The following RNF150 variants were observed in gnomAD, a reference collection of about 807,000 sequenced individuals.
RNF150 encodes the protein ring finger protein 150.
Under a neutral mutation model 39.3 loss-of-function variants are expected in RNF150, and 24 were observed. The ratio of observed to expected loss-of-function variants is 0.61; its 90% CI spans 0.44 to 0.86. The LOEUF is 0.86. RNF150 is among the 40% of genes least tolerant of loss of function. The probability of loss-of-function intolerance (pLI) is 0.00; values close to 1 mark genes in which losing one functional copy is unlikely to be tolerated. For synonymous variants in RNF150, 255 were observed against 227.3 expected (o/e 1.12, Z -1.10); for missense variants, 502 against 587.8 (o/e 0.85, Z 1.51).
intron 1 of RNF150, among the ~76,000 whole-genome samples, chr4:141,060,295 G>T (rs1333643896): frequency 6.6e-6 from 1 of 152,008 alleles, no homozygotes; most frequent in East Asian, 1.9e-4. Flanking sequence ...TTAAAAATTA[G>T]CCAGGCGTAG....
intron 1 of RNF150, among the ~76,000 whole-genome samples, chr4:141,086,920 CTCT>C (rs1738388516): frequency 6.6e-6 from 1 of 151,900 alleles, no homozygotes; most frequent in Admixed American, 6.6e-5. Context: ...GCATATTTTC[CTCT>C]TTTTTTGGCG....
At chr4:140,917,970 A>G (rs1730915087) in intron 5 of RNF150, among the ~76,000 whole-genome samples, 1 of 152,060 alleles carries the variant, frequency 6.6e-6, no homozygotes, top group Non-Finnish European at 1.5e-5. Flanking sequence ...GAAGGCAGAA[A>G]TAAAGATGTT....
At chr4:140,973,874 TAAAA>T (rs566506401) in intron 1 of RNF150, among the ~76,000 whole-genome samples, 2 of 110,538 alleles carry the variant, frequency 1.8e-5, no homozygotes, top group African/African-American at 7.0e-5. Flanking sequence ...AGACTCTGTT[TAAAA>T]AAAAAAAAAA....
intron 1 of RNF150, among the ~76,000 whole-genome samples, chr4:141,068,207 A>G (rs1737539368): frequency 6.6e-6 from 1 of 152,190 alleles, no homozygotes; most frequent in South Asian, 2.1e-4. Context: ...GGCCTCCCAA[A>G]GTGCTGGGAT....
intron 1 of RNF150, among the ~76,000 whole-genome samples, chr4:141,206,416 T>G (rs1728375027): frequency 1.5e-5 from 1 of 64,676 alleles, no homozygotes; most frequent in African/African-American, 5.7e-5. Flanking sequence ...TGAGACTCAA[T>G]CTCAAAAAAA....
intron 1 of RNF150, among the ~76,000 whole-genome samples, chr4:141,201,383 C>G (rs1295576357): frequency 1.3e-5 from 2 of 152,150 alleles, no homozygotes; most frequent in East Asian, 3.8e-4. Context: ...GATAGCCATG[C>G]CTCATAAATC....
In RNF150 at chr4:141,133,087, G is replaced by C. The variant is rs375811664; in HGVS notation, c.-279C>G. On this transcript the variant is annotated 5_prime_UTR_variant, in exon 1 of 7. Transcript: ENST00000515673. ...ACAGAGGGCCCGCGGGGCTTGCGGAGGAGTCCTGCTGCCGAGCGTCCTGCT... is the reference window on the plus strand; with the variant it reads ...ACAGAGGGCCCGCGGGGCTTGCGGACGAGTCCTGCTGCCGAGCGTCCTGCT... 2.6e-5 allele frequency: 10 copies of C among 378,390 alleles called. No homozygotes were observed. The East Asian group carries it at 5.2e-4, about 20-fold the overall frequency. The allele number at this position is 378,390 out of a possible 1,614,324, so 23.4% of individuals were successfully genotyped here.
At chr4:141,041,255 T>C (rs528254057) in intron 1 of RNF150, among the ~76,000 whole-genome samples, 25 of 152,236 alleles carry the variant, frequency 1.6e-4, no homozygotes, top group African/African-American at 5.3e-4. Flanking sequence ...GCAAGTCCTA[T>C]GCATGTCTTA....
chr4:141,174,027 A>G (rs945788512), intron 1 of RNF150, among the ~76,000 whole-genome samples: 1 of 152,164 alleles, frequency 6.6e-6, no homozygotes, highest in Admixed American at 6.5e-5. Flanking sequence ...GAGGAATCAT[A>G]TTTTGGAGAT....
At chr4:141,135,946 C>G (rs987025542), upstream of RNF150, among the ~76,000 whole-genome samples, 1 of 152,034 alleles carries the variant, frequency 6.6e-6, no homozygotes, top group Non-Finnish European at 1.5e-5. Flanking sequence ...TGTCATGTTC[C>G]TGAAAAGAAC....
chr4:140,933,924 C>T (rs1731742375), intron 4 of RNF150, among the ~76,000 whole-genome samples: 1 of 152,228 alleles, frequency 6.6e-6, no homozygotes, highest in African/African-American at 2.4e-5. Flanking sequence ...TAGTGCCACA[C>T]TGTGGGGACA....
At chr4:140,899,577 T>C (rs1730094647) in intron 6 of RNF150, among the ~76,000 whole-genome samples, 1 of 151,994 alleles carries the variant, frequency 6.6e-6, no homozygotes, top group Non-Finnish European at 1.5e-5. Context: ...TATGCATGTG[T>C]ATGTGTGTGC....
chr4:141,084,685 C>G (rs549502391), intron 1 of RNF150, among the ~76,000 whole-genome samples: 9 of 152,222 alleles, frequency 5.9e-5, no homozygotes, highest in African/African-American at 1.9e-4. Flanking sequence ...TAGGAATAAG[C>G]CTGGAGAACA....
chr4:141,181,003 G>A (rs1265398398), intron 1 of RNF150, among the ~76,000 whole-genome samples: 1 of 152,124 alleles, frequency 6.6e-6, no homozygotes, highest in Non-Finnish European at 1.5e-5. Flanking sequence ...CTTTGAAAAG[G>A]TGATATAGAT....
At chr4:140,977,154 T>A (rs1733695918) in intron 1 of RNF150, among the ~76,000 whole-genome samples, 1 of 152,164 alleles carries the variant, frequency 6.6e-6, no homozygotes, top group Admixed American at 6.5e-5. Context: ...ACTAAGTAGA[T>A]GTTAACTTTT....
At chr4:140,916,805 A>G (rs1401951143) in intron 5 of RNF150, among the ~76,000 whole-genome samples, 2 of 152,226 alleles carry the variant, frequency 1.3e-5, no homozygotes, top group Non-Finnish European at 2.9e-5. Context: ...AGGTCAGGTT[A>G]CCCACAAAGG....
chr4:141,163,235 G>C (rs1236701301), intron 1 of RNF150, among the ~76,000 whole-genome samples: 1 of 152,226 alleles, frequency 6.6e-6, no homozygotes, highest in East Asian at 1.9e-4. Flanking sequence ...AGCCACTGTA[G>C]CCAGAGTGCT....
intron 6 of RNF150, among the ~76,000 whole-genome samples, chr4:140,895,740 C>T (rs1217944212): frequency 6.6e-6 from 1 of 152,094 alleles, no homozygotes; most frequent in Admixed American, 6.5e-5. Flanking sequence ...TTTTATGACA[C>T]CAAAGAATTC....
intron 1 of RNF150, among the ~76,000 whole-genome samples, chr4:141,169,130 G>A (rs898904923): frequency 6.6e-6 from 1 of 152,102 alleles, no homozygotes; most frequent in African/African-American, 2.4e-5. Flanking sequence ...GAGGTGGTTA[G>A]ATCATGGGGG....
Sources: allele counts gnomAD v4.1 joint callset (sites outside exome capture counted in the v4.1 genomes callset), GRCh38; gene constraint gnomAD v4.1.1; transcripts MANE v1.5; gene names NCBI Gene and HGNC (gene_info 2026-07-23, HGNC 2026-07-21).